DPRX: variants seen among roughly 807,000 people sequenced by gnomAD.
DPRX encodes the protein divergent paired-related homeobox.
DPRX carries 11 observed loss-of-function variants against 8.4 expected under a neutral mutation model. The ratio of observed to expected loss-of-function variants is 1.31; its 90% confidence interval spans 0.82 to 2.17. The LOEUF (loss-of-function observed/expected upper bound fraction) is 2.17, where lower values mean the gene tolerates loss of function less well. DPRX is among the 30% of genes most tolerant of loss of function. The pLI, the probability that DPRX is intolerant of heterozygous loss-of-function variation, is 0.00. For missense variants in DPRX, 211 were observed against 236.7 expected (o/e 0.89, Z 0.71); for synonymous variants, 72 against 87.0 (o/e 0.83, Z 0.96).
At chr19:53,619,692 A>T in the DPRX span, among the ~76,000 whole-genome samples, 1 of 145,090 alleles carries the variant, frequency 6.9e-6, no homozygotes, top group African/African-American at 2.5e-5. Flanking sequence ...AAAAAAAACA[A>T]AAAACAGAAA....
At chr19:53,632,390 T>C (rs1012252611) in intron 1 of DPRX, among the ~76,000 whole-genome samples, 1 of 152,008 alleles carries the variant, frequency 6.6e-6, no homozygotes, top group African/African-American at 2.4e-5. Flanking sequence ...AACCTCCACC[T>C]CCCAGGTTCA....
the DPRX span, among the ~76,000 whole-genome samples, chr19:53,614,152 A>G: frequency 2.0e-5 from 3 of 152,002 alleles, no homozygotes; most frequent in East Asian, 1.9e-4. Context: ...GGGTTTCACC[A>G]TGTTAGCTAG....
the DPRX span, among the ~76,000 whole-genome samples, chr19:53,610,547 C>T: frequency 6.6e-6 from 1 of 152,138 alleles, no homozygotes; most frequent in Non-Finnish European, 1.5e-5. Context: ...GAAAGCTTAG[C>T]TGCAGGTTTA....
chr19:53,613,676 A>G, the DPRX span, among the ~76,000 whole-genome samples: 2 of 151,276 alleles, frequency 1.3e-5, no homozygotes, highest in Admixed American at 6.6e-5. Flanking sequence ...GAGATCTGAT[A>G]AGAAGTCACG....
At chr19:53,631,914 T>C, upstream of DPRX, 1 of 698,944 alleles carries the variant, frequency 1.4e-6, no homozygotes, top group East Asian at 2.6e-5. Flanking sequence ...CAATATTAGA[T>C]AAAATGACAG....
At chr19:53,609,014 A>G in the DPRX span, among the ~76,000 whole-genome samples, 3 of 151,302 alleles carry the variant, frequency 2.0e-5, no homozygotes, top group Middle Eastern at 6.8e-3. Context: ...AAAGAAAGCG[A>G]GAAAGAAAAG....
the DPRX span, among the ~76,000 whole-genome samples, chr19:53,623,365 A>G: frequency 1.3e-5 from 2 of 151,094 alleles, no homozygotes; most frequent in Non-Finnish European, 2.9e-5. Flanking sequence ...CTGGCTGGGC[A>G]TGGTGGCTCA....
At chr19:53,622,518 AC>A in the DPRX span, among the ~76,000 whole-genome samples, 4 of 152,080 alleles carry the variant, frequency 2.6e-5, no homozygotes, top group Admixed American at 2.6e-4. Context: ...CAGTTACTGT[AC>A]TTTTACAGGG....
At chr19:53,615,323 C>A in the DPRX span, among the ~76,000 whole-genome samples, 1 of 151,848 alleles carries the variant, frequency 6.6e-6, no homozygotes, top group Non-Finnish European at 1.5e-5. Flanking sequence ...CTCTGTCACT[C>A]AGGCTGGAGT....
chr19:53,608,611 C>T, the DPRX span, among the ~76,000 whole-genome samples: 1 of 152,146 alleles, frequency 6.6e-6, no homozygotes, highest in Non-Finnish European at 1.5e-5. Context: ...GTGGCAGCTG[C>T]ACAATGCCGT....
At chr19:53,618,615 T>TAAA in the DPRX span, among the ~76,000 whole-genome samples, 264 of 102,790 alleles carry the variant, frequency 2.6e-3, 3 homozygotes, top group Middle Eastern at 5.6e-3. Flanking sequence ...ACCCCATCTC[T>TAAA]AAAAAAAAAA....
At chr19:53,603,768 G>A in the DPRX span, among the ~76,000 whole-genome samples, 1 of 146,134 alleles carries the variant, frequency 6.8e-6, no homozygotes, top group Non-Finnish European at 1.5e-5. Context: ...TTTTGAGACG[G>A]AGTCTCACTC....
At chr19:53,618,156 GA>G in the DPRX span, among the ~76,000 whole-genome samples, 49 of 57,900 alleles carry the variant, frequency 8.5e-4, no homozygotes, top group South Asian at 1.5e-3. Context: ...AAAAAAAAAA[GA>G]AAGAAAGAAA....
the DPRX span, among the ~76,000 whole-genome samples, chr19:53,610,190 T>TGC: frequency 0.6 from 85,334 of 141,712 alleles, 25,941 homozygotes; most frequent in Admixed American, 0.7. Flanking sequence ...TGGTGGCATT[T>TGC]ATGCCTGTAA....
chr19:53,616,905 T>C, the DPRX span: 6 of 1,466,104 alleles, frequency 4.1e-6, no homozygotes, highest in Middle Eastern at 1.7e-4. Context: ...TGACTATGTA[T>C]GCTCTGGTGG....
chr19:53,617,794 T>C, the DPRX span, among the ~76,000 whole-genome samples: 1 of 152,086 alleles, frequency 6.6e-6, no homozygotes, highest in Non-Finnish European at 1.5e-5. Context: ...GCTGACCACA[T>C]TGCTATACCA....
chr19:53,621,054 T>A, the DPRX span, among the ~76,000 whole-genome samples: 10 of 152,272 alleles, frequency 6.6e-5, no homozygotes, highest in Admixed American at 5.9e-4. Flanking sequence ...AAATTAGAGG[T>A]GTACAAGAGA....
upstream of DPRX, among the ~76,000 whole-genome samples, chr19:53,631,886 C>T (rs565361828): frequency 2.6e-5 from 4 of 152,182 alleles, no homozygotes; most frequent in Admixed American, 1.3e-4. Context: ...GCCTTTGAGT[C>T]GTTGGTCTCC....
At chr19:53,614,600 T>G in the DPRX span, among the ~76,000 whole-genome samples, 5 of 152,182 alleles carry the variant, frequency 3.3e-5, no homozygotes, top group African/African-American at 1.2e-4. Context: ...TATTTTATTT[T>G]CTAAGACATC....
Sources: gnomAD v4.1 joint callset for allele counts (sites outside exome capture counted in the v4.1 genomes callset) on GRCh38, gnomAD v4.1.1 for gene constraint, MANE v1.5 for transcripts, NCBI Gene and HGNC (gene_info 2026-07-23, HGNC 2026-07-21) for gene names.